The following CBFA2T2 variants were observed in gnomAD, a reference collection of about 807,000 sequenced individuals.
The protein encoded by CBFA2T2 is protein CBFA2T2.
CBFA2T2 carries 11 observed loss-of-function variants against 62.2 expected under a neutral mutation model. The observed-to-expected ratio is 0.18, with a 90% CI of 0.11 to 0.29. The LOEUF (loss-of-function observed/expected upper bound fraction) is 0.29, where lower values mean the gene tolerates loss of function less well. Among genes scored for constraint, CBFA2T2 ranks in the 10% least tolerant of loss-of-function variants. CBFA2T2 has a pLI of 1.00. For missense variants in CBFA2T2, 592 were observed against 774.1 expected, an observed-to-expected ratio of 0.76 and a Z score of 2.79; for synonymous variants, 295 against 287.5, an observed-to-expected ratio of 1.03 and a Z score of -0.27.
intron 1 of CBFA2T2, among the ~76,000 whole-genome samples, chr20:33,549,621 G>A (rs1049088928): frequency 6.6e-6 from 1 of 152,162 alleles, no homozygotes; most frequent in African/African-American, 2.4e-5. Flanking sequence ...TCTTTTAGGG[G>A]TGATGAAAAT....
chr20:33,583,780 C>G (rs574117867), intron 1 of CBFA2T2, among the ~76,000 whole-genome samples: 2 of 152,218 alleles, frequency 1.3e-5, no homozygotes, highest in South Asian at 4.1e-4. Context: ...CTCTGGGAGG[C>G]CAAGTGTCTC....
intron 1 of CBFA2T2, among the ~76,000 whole-genome samples, chr20:33,543,689 A>T (rs1416147292): frequency 3.9e-5 from 6 of 152,256 alleles, no homozygotes; most frequent in Admixed American, 1.3e-4. Context: ...AGGTAAAGTG[A>T]GTGTGTGCTG....
intron 9 of CBFA2T2, among the ~76,000 whole-genome samples, chr20:33,637,197 G>A (rs1208157268): frequency 1.3e-5 from 2 of 152,174 alleles, no homozygotes; most frequent in Admixed American, 6.5e-5. Flanking sequence ...AATAAAGGAG[G>A]GTGGGGACTG....
At chr20:33,605,695 A>T (rs558522150) in intron 1 of CBFA2T2, among the ~76,000 whole-genome samples, 6 of 152,082 alleles carry the variant, frequency 3.9e-5, no homozygotes, top group South Asian at 2.1e-4. Flanking sequence ...TCTACTTTTC[A>T]TCTTTTTGAA....
chr20:33,558,970 A>G (rs2013003065), intron 1 of CBFA2T2, among the ~76,000 whole-genome samples: 2 of 152,156 alleles, frequency 1.3e-5, no homozygotes, highest in South Asian at 2.1e-4. Flanking sequence ...CTTTTCTCCA[A>G]CTATTTGTTT....
At chr20:33,491,141 A>G (rs1439583143) in intron 1 of CBFA2T2, among the ~76,000 whole-genome samples, 2 of 152,204 alleles carry the variant, frequency 1.3e-5, no homozygotes, top group Non-Finnish European at 2.9e-5. Context: ...TCTGAATAAG[A>G]ACAATAAAAT....
At chr20:33,526,640 C>T (rs746759406) in intron 1 of CBFA2T2, among the ~76,000 whole-genome samples, 16 of 152,028 alleles carry the variant, frequency 1.1e-4, no homozygotes, top group Non-Finnish European at 2.1e-4. Context: ...GTTTGTCAAA[C>T]ACCCAAATTC....
intron 1 of CBFA2T2, among the ~76,000 whole-genome samples, chr20:33,533,967 G>C (rs2012133058): frequency 6.6e-6 from 1 of 152,020 alleles, no homozygotes. Flanking sequence ...CTCCAGCCTG[G>C]GTGACAGAGC....
chr20:33,569,131 AT>A (rs1776599687), intron 1 of CBFA2T2, among the ~76,000 whole-genome samples: 1 of 152,216 alleles, frequency 6.6e-6, no homozygotes, highest in African/African-American at 2.4e-5. Flanking sequence ...CACACCCATA[AT>A]ATTCAAGCAA....
chr20:33,544,135 C>T (rs964966694), intron 1 of CBFA2T2, among the ~76,000 whole-genome samples: 1 of 152,152 alleles, frequency 6.6e-6, no homozygotes, highest in Non-Finnish European at 1.5e-5. Flanking sequence ...CTGTTAATGA[C>T]TCCCATTTTA....
At chr20:33,608,456 A>G (rs761020918) in intron 2 of CBFA2T2, among the ~76,000 whole-genome samples, 4 of 152,248 alleles carry the variant, frequency 2.6e-5, no homozygotes, top group Non-Finnish European at 5.9e-5. Flanking sequence ...TGTAAGATGT[A>G]CAGCTTTAAT....
At chr20:33,574,172 T>C (rs2013711259) in intron 1 of CBFA2T2, 1 of 1,611,168 alleles carries the variant, frequency 6.2e-7, no homozygotes, top group Admixed American at 1.7e-5. Context: ...TGCATTCATC[T>C]TTTGGAACAT....
intron 1 of CBFA2T2, among the ~76,000 whole-genome samples, chr20:33,494,472 G>A (rs2011179137): frequency 6.7e-6 from 1 of 149,724 alleles, no homozygotes; most frequent in African/African-American, 2.4e-5. Context: ...TGGTAGAGGC[G>A]GGGTTTCACC....
intron 1 of CBFA2T2, among the ~76,000 whole-genome samples, chr20:33,505,352 A>G (rs2011384041): frequency 1.3e-5 from 2 of 152,246 alleles, no homozygotes; most frequent in Non-Finnish European, 2.9e-5. Flanking sequence ...AAAGGTGAGA[A>G]TCAGTTGAGG....
intron 1 of CBFA2T2, among the ~76,000 whole-genome samples, chr20:33,596,607 A>G (rs1418015885): frequency 1.3e-5 from 2 of 152,216 alleles, no homozygotes; most frequent in East Asian, 1.9e-4. Context: ...AAGAGTGGAA[A>G]TACCTGCAGA....
rs576246127 is a variant in CBFA2T2, at chr20:33,618,946, GGCA to G, written c.421-570_421-568del. Among the ~76,000 whole-genome samples the G allele has an allele frequency of 2.2e-3, 330 of 152,304 alleles. 1 individual carries two copies. The highest frequency in any genetic ancestry group is 7.5e-3 in the African/African-American group (310 of 41,556). Reference sequence around the variant, plus strand: ...CCCTATTCTGCAGCCTAGGCTGCTGGGCAAAGGGGAGAATTTGGTGGTGGTGAA... The same window carrying G: ...CCCTATTCTGCAGCCTAGGCTGCTGGAAGGGGAGAATTTGGTGGTGGTGAA... On this transcript the variant is annotated intron_variant, in intron 3 of 10. Transcript: ENST00000342704.
At chr20:33,637,655 C>A (rs141504066) in intron 9 of CBFA2T2, among the ~76,000 whole-genome samples, 210 of 151,672 alleles carry the variant, frequency 1.4e-3, no homozygotes, top group African/African-American at 4.8e-3. Context: ...TTCTTGGAAT[C>A]ATTCCTCACT....
chr20:33,515,369 A>AG (rs2011582322), intron 1 of CBFA2T2, among the ~76,000 whole-genome samples: 1 of 149,512 alleles, frequency 6.7e-6, no homozygotes, highest in Non-Finnish European at 1.5e-5. Flanking sequence ...AAAAAAAAAA[A>AG]AAGTGTGGCA....
intron 1 of CBFA2T2, among the ~76,000 whole-genome samples, chr20:33,558,830 G>C (rs907668827): frequency 6.6e-6 from 1 of 151,890 alleles, no homozygotes; most frequent in Admixed American, 6.6e-5. Flanking sequence ...GTTTGGGGGG[G>C]CGGCGATTCT....
Sources: gnomAD v4.1 joint callset for allele counts (sites outside exome capture counted in the v4.1 genomes callset) on GRCh38, gnomAD v4.1.1 for gene constraint, MANE v1.5 for transcripts, NCBI Gene and HGNC (gene_info 2026-07-23, HGNC 2026-07-21) for gene names.